GNAQ: variants seen among roughly 807,000 people sequenced by gnomAD.
GNAQ encodes the protein guanine nucleotide-binding protein G(q) subunit alpha.
Under a neutral mutation model 43.9 loss-of-function variants are expected in GNAQ, and 8 were observed. The observed-to-expected ratio is 0.18, with a 90% CI of 0.11 to 0.33. The LOEUF (loss-of-function observed/expected upper bound fraction) is 0.33. Among genes scored for constraint, GNAQ ranks in the 10% least tolerant of loss-of-function variants. The pLI is 1.00. For synonymous variants in GNAQ, 155 were observed against 170.7 expected, an observed-to-expected ratio of 0.91 and a Z score of 0.71; for missense variants, 158 against 450.8, an observed-to-expected ratio of 0.35 and a Z score of 5.88.
chr9:77,799,442 G>A (rs942282711), intron 3 of GNAQ, among the ~76,000 whole-genome samples: 4 of 152,160 alleles, frequency 2.6e-5, no homozygotes, highest in African/African-American at 9.7e-5. Flanking sequence ...TTCTGCCTTA[G>A]TACCTAAAAG....
rs76344208 is a variant in GNAQ at position 77,926,961 on chromosome 9, C to T, written c.137-4616G>A. On this transcript the variant is annotated intron_variant, in intron 1 of 6. Coordinates refer to ENST00000286548, the MANE Select transcript of GNAQ (RefSeq NM_002072.5). ...AGGATAAAGCACAGAGAGCAATCTCCAGTTCATTCACATCTCCTTCCATCA... is the reference window on the plus strand; with the variant it reads ...AGGATAAAGCACAGAGAGCAATCTCTAGTTCATTCACATCTCCTTCCATCA... Among the ~76,000 whole-genome samples the T allele has an allele frequency of 7.8e-3, 1,190 of 152,280 alleles. 10 individuals carry two copies. Among genetic ancestry groups the T allele is most frequent in the African/African-American group, 0.027 (1,128 of 41,554 alleles).
intron 3 of GNAQ, among the ~76,000 whole-genome samples, chr9:77,814,236 T>G (rs1587928723): frequency 6.6e-6 from 1 of 151,802 alleles, no homozygotes; most frequent in East Asian, 2.0e-4. Flanking sequence ...ACTTATACAG[T>G]GGGAGCCCAG....
intron 1 of GNAQ, among the ~76,000 whole-genome samples, chr9:78,029,438 C>T (rs1263042052): frequency 2.6e-5 from 4 of 151,852 alleles, no homozygotes; most frequent in Admixed American, 2.6e-4. Context: ...TGCCTGTTTT[C>T]AGCCACTAGA....
At chr9:77,897,344 G>A (rs544879006) in intron 2 of GNAQ, among the ~76,000 whole-genome samples, 1 of 152,308 alleles carries the variant, frequency 6.6e-6, no homozygotes, top group African/African-American at 2.4e-5. Flanking sequence ...CTGCAGCAGA[G>A]CACAGCTATT....
intron 1 of GNAQ, among the ~76,000 whole-genome samples, chr9:77,978,542 C>T (rs935920920): frequency 2.0e-5 from 3 of 152,180 alleles, no homozygotes. Flanking sequence ...GTTATAATTA[C>T]ATCTTTCCTG....
rs982932092 is a variant in GNAQ, at chr9:77,753,119, AAAG to A, written c.736-24455_736-24453del. On this transcript the variant is annotated intron_variant, in intron 5 of 6. Transcript: ENST00000286548. ...AAAAAAAAAAAAAGAAAAAGGAAAA[AAAG>A]AAGATTTAGTTGGCTTCACTGATAA... 1.3e-4 allele frequency among the ~76,000 whole-genome samples: 20 copies of A among 152,026 alleles called. No individual in the cohort carries two copies. The East Asian group carries it at 1.4e-3, about 10-fold the overall frequency.
At chr9:77,749,218 C>T (rs144673816) in intron 5 of GNAQ, among the ~76,000 whole-genome samples, 86 of 152,276 alleles carry the variant, frequency 5.6e-4, no homozygotes, top group Middle Eastern at 3.4e-3. Flanking sequence ...TGCTTTGGGT[C>T]TAAGTCAAAA....
intron 1 of GNAQ, among the ~76,000 whole-genome samples, chr9:78,000,537 A>T (rs1823630794): frequency 6.6e-6 from 1 of 152,348 alleles, no homozygotes; most frequent in African/African-American, 2.4e-5. Flanking sequence ...TACATGCAGA[A>T]GATGAGAAAA....
intron 1 of GNAQ, among the ~76,000 whole-genome samples, chr9:77,947,601 C>G (rs1034960208): frequency 6.6e-6 from 1 of 152,198 alleles, no homozygotes; most frequent in Non-Finnish European, 1.5e-5. Context: ...AGCTATTACC[C>G]ATACATGCCC....
At chr9:77,903,717 A>C (rs942295173) in intron 2 of GNAQ, among the ~76,000 whole-genome samples, 1 of 152,126 alleles carries the variant, frequency 6.6e-6, no homozygotes, top group African/African-American at 2.4e-5. Flanking sequence ...AAGTGTGTGT[A>C]TGTATGTGTG....
intron 5 of GNAQ, among the ~76,000 whole-genome samples, chr9:77,778,214 TAC>T (rs34540195): frequency 0.056 from 8,311 of 149,472 alleles, 256 homozygotes; most frequent in African/African-American, 0.09. Context: ...TTTACACGTT[TAC>T]ACACACACAC....
At position 78,010,928 on chromosome 9, in the gene GNAQ, G is replaced by A. The variant is rs2118579952; in HGVS notation, c.136+20172C>T. Among the ~76,000 whole-genome samples the A allele has an allele frequency of 3.3e-5, 5 of 152,198 alleles. 1 individual carries two copies. The South Asian group carries it at 1.0e-3, about 32-fold the overall frequency. ...ATTCCTACCTATTCTAGCCATGAAG[G>A]GGCTAAAGAGGAACAACATAGCCAA... On this transcript the variant is annotated intron_variant, in intron 1 of 6. Coordinates refer to ENST00000286548, the MANE Select transcript of GNAQ (RefSeq NM_002072.5).
intron 2 of GNAQ, among the ~76,000 whole-genome samples, chr9:77,874,966 G>A (rs906190836): frequency 6.6e-6 from 1 of 151,868 alleles, no homozygotes; most frequent in Non-Finnish European, 1.5e-5. Flanking sequence ...GAAAGGTCAT[G>A]ACCAAGCAGA....
chr9:77,896,681 A>G (rs546851431), intron 2 of GNAQ, among the ~76,000 whole-genome samples: 2 of 152,308 alleles, frequency 1.3e-5, no homozygotes, highest in East Asian at 3.9e-4. Flanking sequence ...AAGGACATGC[A>G]CTAACAACAT....
chr9:77,866,147 T>C (rs1827943230), intron 2 of GNAQ, among the ~76,000 whole-genome samples: 1 of 152,164 alleles, frequency 6.6e-6, no homozygotes, highest in African/African-American at 2.4e-5. Flanking sequence ...TATTTATCAC[T>C]AGCTGGTAGA....
chr9:78,031,400 A>AGGGCCGGGGCCACCAGGT lies in GNAQ; in HGVS notation c.-183_-166dup, dbSNP rs1824058505. On this transcript the variant is annotated 5_prime_UTR_variant, in exon 1 of 7. Coordinates refer to ENST00000286548, the MANE Select transcript of GNAQ (RefSeq NM_002072.5). Reference sequence around the variant, plus strand: ...GGGAACCGCCGCGGGGGCGGCGGCCAGGGCCGGGGCCACCAGGTGGGCCGG... The same window carrying AGGGCCGGGGCCACCAGGT: ...GGGAACCGCCGCGGGGGCGGCGGCCAGGGCCGGGGCCACCAGGTGGGCCGGGGCCACCAGGTGGGCCGG... 7.2e-6 allele frequency: 2 copies of AGGGCCGGGGCCACCAGGT among 277,798 alleles called. No individual in the cohort carries two copies. Among genetic ancestry groups the AGGGCCGGGGCCACCAGGT allele is most frequent in the Non-Finnish European group, 1.3e-5 (2 of 159,482 alleles). The allele number at this position is 277,798 out of a possible 1,614,324, so 17.2% of individuals were successfully genotyped here.
intron 2 of GNAQ, 150 bp downstream of exon 2, chr9:77,922,011 A>G (rs1829003739): frequency 2.1e-6 from 1 of 472,182 alleles, no homozygotes; most frequent in African/African-American, 1.9e-5. Flanking sequence ...CTTATTATCT[A>G]TTAAAAGTCT....
chr9:77,764,662 A>G (rs1826106941), intron 5 of GNAQ, among the ~76,000 whole-genome samples: 2 of 152,070 alleles, frequency 1.3e-5, no homozygotes, highest in African/African-American at 2.4e-5. Flanking sequence ...TCACCGTGTT[A>G]GCCAGGATGG....
chr9:77,848,065 A>C (rs7027687), intron 2 of GNAQ, among the ~76,000 whole-genome samples: 1 of 152,322 alleles, frequency 6.6e-6, no homozygotes, highest in South Asian at 2.1e-4. Context: ...GACAAATCAC[A>C]TAAGTGGTTT....
Sources: gnomAD v4.1 joint callset for allele counts (sites outside exome capture counted in the v4.1 genomes callset) on GRCh38, gnomAD v4.1.1 for gene constraint, MANE v1.5 for transcripts, NCBI Gene and HGNC (gene_info 2026-07-23, HGNC 2026-07-21) for gene names.